Variants in AKR1B15 observed in about 807,000 individuals in gnomAD.
The protein encoded by AKR1B15 is aldo-keto reductase family 1 member B15, also known as estradiol 17-beta-dehydrogenase AKR1B15.
Under a neutral mutation model 38.5 loss-of-function variants are expected in AKR1B15, and 49 were observed. That is an observed-to-expected ratio of 1.27 (90% confidence interval 1.01 to 1.62). The LOEUF (loss-of-function observed/expected upper bound fraction) is 1.62. Ranked by LOEUF, AKR1B15 falls within the 40% of genes most tolerant of loss-of-function variation. The pLI, the probability that AKR1B15 is intolerant of heterozygous loss-of-function variation, is 0.00. For synonymous variants in AKR1B15, 137 were observed against 135.5 expected, an observed-to-expected ratio of 1.01 and a Z score of -0.08; for missense variants, 411 against 381.6, an observed-to-expected ratio of 1.08 and a Z score of -0.64.
intron 9 of AKR1B15, 82 bp downstream of exon 9, chr7:134,576,512 A>T: frequency 6.6e-7 from 1 of 1,516,442 alleles, no homozygotes; most frequent in Non-Finnish European, 9.0e-7. Context: ...TCCTCAACTG[A>T]CTCCTTAAAG....
At chr7:134,554,941 A>G (rs967662008) in intron 1 of AKR1B15, among the ~76,000 whole-genome samples, 1 of 152,210 alleles carries the variant, frequency 6.6e-6, no homozygotes, top group African/African-American at 2.4e-5. Context: ...GCTCTGGACA[A>G]GTAGAATGCA....
At chr7:134,577,088 T>TG (rs1585816773) in intron 10 of AKR1B15, 42 bp downstream of exon 10, 1 of 1,561,230 alleles carries the variant, frequency 6.4e-7, no homozygotes. Flanking sequence ...CTCAGTGGAG[T>TG]GGGGGACAGG....
chr7:134,562,827 CCTTTCTCTTTCTTTCTTTCTTTCTTT>C (rs1794435485), intron 2 of AKR1B15, among the ~76,000 whole-genome samples: 1 of 138,316 alleles, frequency 7.2e-6, no homozygotes, highest in African/African-American at 2.7e-5. Flanking sequence ...TTCCTTCCTT[CCTTTCTCTTTCTTTCTTTCTTTCTTT>C]CTTTCTTTCT....
Position 134,575,405 on chromosome 7 carries a change from T to A in AKR1B15, c.514-15T>A, listed in dbSNP as rs372387354. ...CCCTCTAGAGCTGCCCATAAGGTAT[T>A]CCTTTCTATGATAGGCCATGGAGGA... On this transcript the variant is annotated splice_polypyrimidine_tract_variant and intron_variant, in intron 6 of 11. Coordinates refer to ENST00000457545, the MANE Select transcript of AKR1B15 (RefSeq NM_001080538.3). The A allele has an allele frequency of 1.9e-6, 3 of 1,613,520 alleles. No individual in the cohort carries two copies. In the South Asian group the frequency reaches 3.3e-5, roughly 18 times the overall value.
chr7:134,564,825 T>C, intron 3 of AKR1B15, 56 bp downstream of exon 3: 1 of 564,322 alleles, frequency 1.8e-6, no homozygotes, highest in Non-Finnish European at 3.2e-6. Context: ...GGTGTCCTGT[T>C]TAGATGGGGG....
intron 1 of AKR1B15, among the ~76,000 whole-genome samples, 179 bp from the exon 2 acceptor site, chr7:134,556,557 G>A (rs1794204214): frequency 6.6e-6 from 1 of 151,960 alleles, no homozygotes; most frequent in Non-Finnish European, 1.5e-5. Context: ...AAACCCCTCA[G>A]TCTCCTACCA....
At chr7:134,552,423 G>T (rs1156276469) in intron 1 of AKR1B15, among the ~76,000 whole-genome samples, 4 of 152,124 alleles carry the variant, frequency 2.6e-5, no homozygotes, top group Admixed American at 2.0e-4. Context: ...GCCAGCTGTT[G>T]TAGAACTCCT....
intron 10 of AKR1B15, 52 bp downstream of exon 10, chr7:134,577,098 G>T: frequency 6.5e-7 from 1 of 1,528,992 alleles, no homozygotes; most frequent in Non-Finnish European, 9.1e-7. Flanking sequence ...TGGGGGACAG[G>T]CAGACCTTCT....
At chr7:134,569,995 G>A (rs1028511632) in intron 5 of AKR1B15, 8 of 156,682 alleles carry the variant, frequency 5.1e-5, no homozygotes, top group East Asian at 3.7e-4. Flanking sequence ...CCTGTGGGCC[G>A]GGCAGCACAG....
chr7:134,579,466 G>A (rs148041413), intron 11 of AKR1B15, 41 bp from the exon 12 acceptor site: 1 of 1,527,360 alleles, frequency 6.5e-7, no homozygotes, highest in Non-Finnish European at 8.8e-7. Flanking sequence ...TTGTTGCTTT[G>A]ATGGAACACA....
chr7:134,575,612 C>T, intron 7 of AKR1B15, 70 bp downstream of exon 7: 1 of 1,599,478 alleles, frequency 6.3e-7, no homozygotes, highest in African/African-American at 1.3e-5. Flanking sequence ...GGGGAATGTT[C>T]AATGCTATGC....
intron 9 of AKR1B15, 107 bp downstream of exon 9, chr7:134,576,537 A>T: frequency 7.6e-7 from 1 of 1,318,758 alleles, no homozygotes. Context: ...AGAACACAGG[A>T]GCTGAAGCCC....
intron 11 of AKR1B15, 93 bp downstream of exon 11, chr7:134,577,879 C>T: frequency 7.1e-7 from 1 of 1,409,358 alleles, no homozygotes; most frequent in Non-Finnish European, 9.8e-7. Context: ...GTTGGGACTA[C>T]TTGTGTCTTC....
At chr7:134,572,607 G>A (rs569511935) in intron 6 of AKR1B15, among the ~76,000 whole-genome samples, 16 of 150,578 alleles carry the variant, frequency 1.1e-4, no homozygotes, top group African/African-American at 2.2e-4. Flanking sequence ...CAGCCCAGGC[G>A]TCAGTGCAAG....
chr7:134,577,774 T>A lies in AKR1B15; in HGVS notation c.980T>A (p.Phe327Tyr). ...ILSFNRNWRA[F>Y]DFKEFSHLED... ...AGCTTCAACAGAAACTGGAGGGCCT[T>A]TGACTTCAAGGAGTAAGTGGCATGG... The change falls in exon 11 of 12, where the codon TTT becomes TAT. Residue 327 changes from phenylalanine to tyrosine, a missense_variant. By Grantham distance (22) the Phe-to-Tyr change is conservative. Coordinates refer to ENST00000457545, the MANE Select transcript of AKR1B15 (RefSeq NM_001080538.3). 6.2e-7 allele frequency: 1 copy of A among 1,613,904 alleles called. No individual in the cohort carries two copies. The highest frequency in any genetic ancestry group is 8.5e-7 in the Non-Finnish European group (1 of 1,179,912).
chr7:134,556,955 C>G (rs1562942744), intron 2 of AKR1B15, 96 bp downstream of exon 2: 1 of 152,198 alleles, frequency 6.6e-6, no homozygotes, highest in Non-Finnish European at 1.5e-5. Flanking sequence ...ACCGCCGAGG[C>G]TTAGATCTGC....
At chr7:134,579,225 T>C (rs1262309958) in intron 11 of AKR1B15, among the ~76,000 whole-genome samples, 1 of 152,182 alleles carries the variant, frequency 6.6e-6, no homozygotes, top group East Asian at 1.9e-4. Context: ...GAGAGTGGAT[T>C]GGGACAAGAC....
Position 134,573,252 on chromosome 7 carries a change from A to G in AKR1B15, c.513+1571A>G, listed in dbSNP as rs1288580342. 7.2e-6 allele frequency: 3 copies of G among 417,666 alleles called. No individual in the cohort carries two copies. The East Asian group carries it at 4.8e-4, about 67-fold the overall frequency. 25.9% of individuals were successfully genotyped at this position (417,666 alleles called of 1,614,324 possible). On this transcript the variant is annotated intron_variant, in intron 6 of 11. Transcript: ENST00000457545. ...CACCATGTTGGCCAGGCTGGTCTCA[A>G]ACTCCTGACCTCAAGGGATCCACCC...
At position 134,575,975 on chromosome 7, in the gene AKR1B15, T is replaced by C. The variant is rs564125587; in HGVS notation, c.743+48T>C. The C allele has an allele frequency of 1.3e-5, 20 of 1,594,100 alleles. No individual in the cohort carries two copies. In the East Asian group the frequency reaches 1.8e-4, roughly 14 times the overall value. On this transcript the variant is annotated intron_variant, in intron 8 of 11. Coordinates refer to ENST00000457545, the MANE Select transcript of AKR1B15 (RefSeq NM_001080538.3). The stretch of plus-strand genomic sequence containing the variant: ...CTTTCTCTTGATAATCTTAAAAACA[T>C]TATTTTATAATTGGTAAATGTCGGT...
Sources: allele counts gnomAD v4.1 joint callset (sites outside exome capture counted in the v4.1 genomes callset), GRCh38; gene constraint gnomAD v4.1.1; transcripts MANE v1.5; gene names NCBI Gene and HGNC (gene_info 2026-07-23, HGNC 2026-07-21).